EPHA3: variants seen among roughly 807,000 people sequenced by gnomAD.
The protein encoded by EPHA3 is ephrin type-A receptor 3.
A neutral mutation model predicts 107.1 loss-of-function variants in EPHA3; 42 were observed. The observed-to-expected ratio is 0.39, with a 90% CI of 0.31 to 0.51. The LOEUF (loss-of-function observed/expected upper bound fraction) is 0.51, where lower values mean the gene tolerates loss of function less well. EPHA3 is among the 20% of genes least tolerant of loss of function. The pLI is 0.78. For missense variants in EPHA3, 1,183 were observed against 1,211.2 expected (o/e 0.98, Z 0.35); for synonymous variants, 461 against 424.8 (o/e 1.09, Z -1.05).
chr3:89,382,371 G>A (rs13097834), intron 5 of EPHA3, among the ~76,000 whole-genome samples: 18,283 of 151,906 alleles, frequency 0.12, 1,155 homozygotes, highest in East Asian at 0.18. Context: ...AGCCAGGCAT[G>A]GTGGTGGGAA....
chr3:89,333,829 G>A (rs923536620), intron 3 of EPHA3, among the ~76,000 whole-genome samples: 2 of 151,728 alleles, frequency 1.3e-5, no homozygotes, highest in South Asian at 2.1e-4. Flanking sequence ...CCAAGATCAC[G>A]CTGCTAATTC....
At chr3:89,138,329 G>A (rs143998171) in intron 2 of EPHA3, among the ~76,000 whole-genome samples, 1 of 151,902 alleles carries the variant, frequency 6.6e-6, no homozygotes, top group East Asian at 1.9e-4. Context: ...TGAACCACAT[G>A]TAGTATCTTC....
intron 3 of EPHA3, among the ~76,000 whole-genome samples, chr3:89,302,648 G>A (rs990645038): frequency 1.3e-5 from 2 of 152,040 alleles, no homozygotes; most frequent in African/African-American, 2.4e-5. Context: ...CTCTCCACAT[G>A]TTTTAAGATA....
chr3:89,289,059 G>C (rs1706153930), intron 3 of EPHA3, among the ~76,000 whole-genome samples: 1 of 152,086 alleles, frequency 6.6e-6, no homozygotes, highest in South Asian at 2.1e-4. Flanking sequence ...AATCCAGGTA[G>C]TCGTCAGAAG....
chr3:89,207,972 A>G (rs1404415551), intron 2 of EPHA3, among the ~76,000 whole-genome samples: 2 of 152,196 alleles, frequency 1.3e-5, no homozygotes, highest in Admixed American at 1.3e-4. Context: ...ACAAATGAAT[A>G]GGGGATTCAA....
intron 2 of EPHA3, among the ~76,000 whole-genome samples, chr3:89,136,842 A>C (rs773575457): frequency 4.0e-5 from 6 of 151,888 alleles, no homozygotes; most frequent in Admixed American, 6.6e-5. Flanking sequence ...ATTTGCTATA[A>C]TCATTCTTTA....
At chr3:89,146,798 T>G (rs1288125890) in intron 2 of EPHA3, among the ~76,000 whole-genome samples, 1 of 151,882 alleles carries the variant, frequency 6.6e-6, no homozygotes, top group Non-Finnish European at 1.5e-5. Context: ...AGTCTTTAGT[T>G]CATCTTGAGT....
chr3:89,406,465 A>G (rs1709057217), intron 7 of EPHA3, among the ~76,000 whole-genome samples: 1 of 152,150 alleles, frequency 6.6e-6, no homozygotes, highest in African/African-American at 2.4e-5. Flanking sequence ...ATCATTCTCT[A>G]TTGCTGCTAC....
intron 2 of EPHA3, among the ~76,000 whole-genome samples, chr3:89,199,721 T>C (rs940755015): frequency 2.6e-5 from 4 of 151,788 alleles, no homozygotes; most frequent in African/African-American, 9.7e-5. Flanking sequence ...ACATAGTTTC[T>C]AGAAATGTAT....
chr3:89,412,641 AAGGTATGCC>A, intron 9 of EPHA3, among the ~76,000 whole-genome samples: 1 of 151,894 alleles, frequency 6.6e-6, no homozygotes, highest in Admixed American at 6.6e-5. Context: ...ACAGTGTCAG[AAGGTATGCC>A]ATTATATATC....
intron 15 of EPHA3, among the ~76,000 whole-genome samples, chr3:89,452,652 T>C (rs1223237466): frequency 1.3e-5 from 2 of 152,162 alleles, no homozygotes; most frequent in African/African-American, 2.4e-5. Flanking sequence ...TGGATTGCCT[T>C]TCATTTTCTT....
chr3:89,174,766 T>C (rs912737567), intron 2 of EPHA3, among the ~76,000 whole-genome samples: 7 of 152,112 alleles, frequency 4.6e-5, no homozygotes, highest in Admixed American at 1.3e-4. Flanking sequence ...TGCCAGGTGA[T>C]AATACTTTAA....
rs184226871 is a variant in EPHA3, at chr3:89,446,226, C to T, written c.2347-2999C>T. ...ACCATGTATTTCATTAGAGAACATACTGTATAAGTCCCAGGCAAGTTAAGA... is the reference window on the plus strand; with the variant it reads ...ACCATGTATTTCATTAGAGAACATATTGTATAAGTCCCAGGCAAGTTAAGA... On this transcript the variant is annotated intron_variant, in intron 13 of 16. Coordinates refer to ENST00000336596, the MANE Select transcript of EPHA3 (RefSeq NM_005233.6). 1.2e-3 allele frequency among the ~76,000 whole-genome samples: 189 copies of T among 152,176 alleles called. 2 individuals are homozygous for T. The highest frequency in any genetic ancestry group is 1.5e-3 in the East Asian group (8 of 5,172).
chr3:89,236,713 C>T (rs1295747799), intron 3 of EPHA3, among the ~76,000 whole-genome samples: 1 of 151,628 alleles, frequency 6.6e-6, no homozygotes, highest in Non-Finnish European at 1.5e-5. Context: ...CACATGTACC[C>T]TAAAACTTAA....
At chr3:89,350,412 C>G (rs373788553) in intron 5 of EPHA3, among the ~76,000 whole-genome samples, 17 of 151,692 alleles carry the variant, frequency 1.1e-4, no homozygotes, top group East Asian at 9.7e-4. Context: ...ATCACATCGT[C>G]TCCTGAGGCT....
intron 5 of EPHA3, among the ~76,000 whole-genome samples, chr3:89,374,449 T>C (rs1373805555): frequency 2.6e-5 from 4 of 151,848 alleles, no homozygotes; most frequent in Admixed American, 6.6e-5. Flanking sequence ...TCCTCCAACA[T>C]TGGAAAAGGG....
chr3:89,187,098 A>C (rs971893324), intron 2 of EPHA3, among the ~76,000 whole-genome samples: 3 of 151,738 alleles, frequency 2.0e-5, no homozygotes, highest in Non-Finnish European at 4.4e-5. Flanking sequence ...TTACTCTTTC[A>C]GAGTACTACA....
intron 10 of EPHA3, among the ~76,000 whole-genome samples, chr3:89,418,307 C>T (rs1159619926): frequency 2.0e-5 from 3 of 151,346 alleles, no homozygotes; most frequent in Non-Finnish European, 1.5e-5. Flanking sequence ...AAAGGACATT[C>T]TATAGAACTC....
chr3:89,433,304 T>TAA (rs143380936), intron 13 of EPHA3, among the ~76,000 whole-genome samples: 8 of 148,400 alleles, frequency 5.4e-5, no homozygotes, highest in African/African-American at 2.0e-4. Context: ...TATTCCCGAT[T>TAA]AAAAAAAAAA....
Sources: gnomAD v4.1 joint callset for allele counts (sites outside exome capture counted in the v4.1 genomes callset) on GRCh38, gnomAD v4.1.1 for gene constraint, MANE v1.5 for transcripts, NCBI Gene and HGNC (gene_info 2026-07-23, HGNC 2026-07-21) for gene names.